The following IGF2BP2 variants were observed in gnomAD, a reference collection of about 807,000 sequenced individuals.
IGF2BP2 encodes the protein insulin like growth factor 2 mRNA binding protein 2, also known as insulin-like growth factor 2 mRNA-binding protein 2.
In IGF2BP2, 17 loss-of-function variants were observed where a neutral mutation model predicts 75.8. That is an observed-to-expected ratio of 0.22 (90% CI 0.15 to 0.34). The LOEUF (loss-of-function observed/expected upper bound fraction) is 0.34, where lower values mean the gene tolerates loss of function less well. Ranked by LOEUF, IGF2BP2 falls within the 10% of genes least tolerant of loss-of-function variation. The pLI is 1.00. For missense variants in IGF2BP2, 516 were observed against 772.4 expected, an observed-to-expected ratio of 0.67 and a Z score of 3.93; for synonymous variants, 288 against 295.6, an observed-to-expected ratio of 0.97 and a Z score of 0.26.
intron 7 of IGF2BP2, among the ~76,000 whole-genome samples, chr3:185,682,297 T>C (rs1186413268): frequency 1.3e-5 from 2 of 152,202 alleles, no homozygotes; most frequent in African/African-American, 2.4e-5. Flanking sequence ...TAATTAATCA[T>C]GAATGGATTA....
At chr3:185,734,274 T>C (rs1469391644) in intron 2 of IGF2BP2, among the ~76,000 whole-genome samples, 4 of 152,042 alleles carry the variant, frequency 2.6e-5, no homozygotes, top group Non-Finnish European at 4.4e-5. Flanking sequence ...TGAGGGCGGG[T>C]TGGGCAACTT....
intron 2 of IGF2BP2, among the ~76,000 whole-genome samples, chr3:185,787,638 C>T (rs1240920525): frequency 6.6e-6 from 1 of 151,996 alleles, no homozygotes; most frequent in Non-Finnish European, 1.5e-5. Flanking sequence ...GAGGCCGTGG[C>T]CCGAGAATCA....
Position 185,647,074 on chromosome 3 carries a change from T to C in IGF2BP2, c.1658A>G (p.Glu553Gly). Residue 553 changes from glutamate (E) to glycine (G), a missense_variant, in exon 15 of 16, where the codon GAA (glutamate) becomes GGA (glycine). This residue lies in a region of IGF2BP2 where 129 missense variants were observed against 230.5 expected (regional missense o/e 0.56). Transcript: ENST00000382199. The surrounding 1 kb of genome is among the most constrained non-coding windows in gnomAD (Gnocchi z 4.9). ...AATTCTGACGATCACTTCCTCATTT[T>C]CATCTGGCGTTTGGTCACGAGGCAC... Reference protein sequence around the residue: ...VIVPRDQTPDENEEVIVRIIG... With the variant: ...VIVPRDQTPDGNEEVIVRIIG... 1 of 1,614,172 alleles carries C rather than the reference T, an allele frequency of 6.2e-7. No individual in the cohort carries two copies. Among genetic ancestry groups the C allele is most frequent in the South Asian group, 1.1e-5 (1 of 91,080 alleles).
chr3:185,756,340 A>G (rs1731614947), intron 2 of IGF2BP2, among the ~76,000 whole-genome samples: 1 of 152,172 alleles, frequency 6.6e-6, no homozygotes, highest in Non-Finnish European at 1.5e-5. Flanking sequence ...CCGTGAGCCA[A>G]TTAAACCTCA....
In IGF2BP2 at chr3:185,824,723, C is replaced by G. The variant is rs1445193074; in HGVS notation, c.178+60G>C. On this transcript the variant is annotated intron_variant, in intron 1 of 15. Transcript: ENST00000382199. ...CGCCCGCCGGACTCGGCCTCCCTCCCGGCGCCGTCCCGGCCTGAGCGGGGC... is the reference window on the plus strand; with the variant it reads ...CGCCCGCCGGACTCGGCCTCCCTCCGGGCGCCGTCCCGGCCTGAGCGGGGC... 93 of 1,210,116 alleles carry G rather than the reference C, an allele frequency of 7.7e-5. No individual in the cohort carries two copies. The East Asian group carries it at 2.9e-3, about 38-fold the overall frequency. The allele number at this position is 1,210,116 out of a possible 1,614,324, so 75.0% of individuals were successfully genotyped here.
chr3:185,659,397 G>A (rs549124075), intron 10 of IGF2BP2, among the ~76,000 whole-genome samples: 8 of 152,186 alleles, frequency 5.3e-5, no homozygotes, highest in Non-Finnish European at 1.2e-4. Context: ...TTTTTGAGAC[G>A]GCATTTCACT....
intron 7 of IGF2BP2, among the ~76,000 whole-genome samples, chr3:185,676,530 G>A (rs548151817): frequency 1.3e-5 from 2 of 152,032 alleles, no homozygotes; most frequent in African/African-American, 4.8e-5. Context: ...CACAAAATTA[G>A]CCAGGCATAG....
At chr3:185,661,482 C>T (rs935415433) in intron 10 of IGF2BP2, among the ~76,000 whole-genome samples, 1 of 151,810 alleles carries the variant, frequency 6.6e-6, no homozygotes, top group African/African-American at 2.4e-5. Context: ...AGCAAAAATA[C>T]AAAAATTAGC....
intron 2 of IGF2BP2, among the ~76,000 whole-genome samples, chr3:185,759,169 T>C (rs1732022285): frequency 6.6e-6 from 1 of 152,146 alleles, no homozygotes; most frequent in African/African-American, 2.4e-5. Flanking sequence ...CATGTTACTA[T>C]GAATAAGAGT....
chr3:185,652,107 T>G lies in IGF2BP2; in HGVS notation c.1448A>C (p.Glu483Ala). The change falls in exon 13 of 16, where the codon GAA becomes GCA. Residue 483 changes from glutamate to alanine, a missense_variant. Transcript: ENST00000382199. ...ERMVIITGPP[E>A]AQFKAQGRIF... The stretch of plus-strand genomic sequence containing the variant: ...CTTGGCACTAACCTTGAACTGGGCT[T>G]CCGGTGGCCCGGTGATGATGACCAT... The G allele has an allele frequency of 6.2e-7, 1 of 1,612,748 alleles. No individual in the cohort carries two copies. Among genetic ancestry groups the G allele is most frequent in the Non-Finnish European group, 8.5e-7 (1 of 1,179,128 alleles).
chr3:185,736,637 C>A (rs1439217472), intron 2 of IGF2BP2, among the ~76,000 whole-genome samples: 1 of 152,370 alleles, frequency 6.6e-6, no homozygotes, highest in East Asian at 1.9e-4. Context: ...AACATCTCTG[C>A]ATCTTGCTCA....
intron 10 of IGF2BP2, among the ~76,000 whole-genome samples, chr3:185,662,258 G>A (rs559979446): frequency 4.9e-4 from 75 of 151,996 alleles, no homozygotes; most frequent in South Asian, 1.2e-3. Flanking sequence ...TAGGCAGATC[G>A]CTTGAGGTCA....
chr3:185,674,026 C>G (rs1198613307), intron 9 of IGF2BP2, among the ~76,000 whole-genome samples: 1 of 152,220 alleles, frequency 6.6e-6, no homozygotes, highest in Non-Finnish European at 1.5e-5. Flanking sequence ...TGCTCTAGCT[C>G]TTCTCATCAC....
At position 185,647,383 on chromosome 3, in the gene IGF2BP2, G is replaced by A. The variant is rs1486562122; in HGVS notation, c.1594-245C>T. On this transcript the variant is annotated intron_variant, in intron 14 of 15. Transcript: ENST00000382199. The surrounding 1 kb of genome is among the most constrained non-coding windows in gnomAD (Gnocchi z 4.9). The stretch of plus-strand genomic sequence containing the variant: ...AGTCCAGCCACAGATTCCTGGGGCT[G>A]CTTCTGAGGCGAAGTTCTCTTATTC... Among the ~76,000 whole-genome samples, 3 of 152,118 alleles carry A rather than the reference G, an allele frequency of 2.0e-5. No homozygotes were observed. Among genetic ancestry groups the A allele is most frequent in the Admixed American group, 6.5e-5 (1 of 15,278 alleles).
intron 2 of IGF2BP2, among the ~76,000 whole-genome samples, chr3:185,745,329 G>T (rs944425755): frequency 6.6e-6 from 1 of 152,192 alleles, no homozygotes; most frequent in African/African-American, 2.4e-5. Flanking sequence ...TCCGTGTGAG[G>T]TATACTGCTG....
chr3:185,802,820 C>T (rs1279244008), intron 2 of IGF2BP2, among the ~76,000 whole-genome samples: 1 of 152,168 alleles, frequency 6.6e-6, no homozygotes, highest in Non-Finnish European at 1.5e-5. Flanking sequence ...AGAACATCCA[C>T]AAACACTTTC....
chr3:185,664,601 T>C (rs1343333278), intron 10 of IGF2BP2, among the ~76,000 whole-genome samples: 1 of 152,130 alleles, frequency 6.6e-6, no homozygotes, highest in Non-Finnish European at 1.5e-5. Context: ...TAGACTGCTA[T>C]GAGAAATGAA....
At chr3:185,699,516 C>T (rs1723014870) in intron 2 of IGF2BP2, among the ~76,000 whole-genome samples, 2 of 152,224 alleles carry the variant, frequency 1.3e-5, no homozygotes, top group South Asian at 4.1e-4. Flanking sequence ...AAAAGTTATA[C>T]TGTGAAAAGT....
At chr3:185,780,157 C>T (rs950633873) in intron 2 of IGF2BP2, among the ~76,000 whole-genome samples, 11 of 152,016 alleles carry the variant, frequency 7.2e-5, no homozygotes, top group Non-Finnish European at 1.2e-4. Context: ...AACACAAATG[C>T]CTCATTATAT....
Sources: gnomAD v4.1 joint callset for allele counts (sites outside exome capture counted in the v4.1 genomes callset) on GRCh38, gnomAD v4.1.1 for gene constraint, gnomAD v4.1.1 regional missense constraint, Gnocchi (gnomAD v3.1) non-coding constraint, MANE v1.5 for transcripts, NCBI Gene and HGNC (gene_info 2026-07-23, HGNC 2026-07-21) for gene names.